MAGI2: variants seen among roughly 807,000 people sequenced by gnomAD.
MAGI2 encodes membrane associated guanylate kinase, WW and PDZ domain containing 2.
A neutral mutation model predicts 133.3 loss-of-function variants in MAGI2; 35 were observed. The observed-to-expected ratio is 0.26, with a 90% CI of 0.20 to 0.35. MAGI2 has a LOEUF of 0.35. Among genes scored for constraint, MAGI2 ranks in the 10% least tolerant of loss-of-function variants. The pLI, the probability that MAGI2 is intolerant of heterozygous loss-of-function variation, is 1.00. For missense variants in MAGI2, 1,636 were observed against 1,863.4 expected (o/e 0.88, Z 2.25); for synonymous variants, 729 against 710.6 (o/e 1.03, Z -0.41).
intron 2 of MAGI2, among the ~76,000 whole-genome samples, chr7:78,921,447 A>G (rs1799215661): frequency 6.6e-6 from 1 of 152,160 alleles, no homozygotes; most frequent in Admixed American, 6.6e-5. Flanking sequence ...CAGAGTCTGC[A>G]CTTTAAATAC....
At chr7:78,291,670 G>A (rs1796721063) in intron 9 of MAGI2, among the ~76,000 whole-genome samples, 1 of 152,182 alleles carries the variant, frequency 6.6e-6, no homozygotes, top group South Asian at 2.1e-4. Context: ...GAACATCGAT[G>A]CAAAAATCCT....
chr7:78,664,996 C>T (rs975964883), intron 2 of MAGI2, among the ~76,000 whole-genome samples: 1 of 151,970 alleles, frequency 6.6e-6, no homozygotes, highest in African/African-American at 2.4e-5. Flanking sequence ...GGCATAATGT[C>T]TTGTTATAAG....
At chr7:78,876,511 A>G (rs1584248373) in intron 2 of MAGI2, among the ~76,000 whole-genome samples, 2 of 152,138 alleles carry the variant, frequency 1.3e-5, no homozygotes, top group East Asian at 1.9e-4. Flanking sequence ...AAGAATTTCA[A>G]TTAACCCAAA....
intron 7 of MAGI2, among the ~76,000 whole-genome samples, chr7:78,366,194 CACAA>C (rs1323150385): frequency 6.6e-6 from 1 of 151,972 alleles, no homozygotes; most frequent in East Asian, 1.9e-4. Flanking sequence ...TATATATTAA[CACAA>C]AAGATATTGC....
chr7:79,148,156 T>C (rs1822831810), intron 1 of MAGI2, among the ~76,000 whole-genome samples: 2 of 152,198 alleles, frequency 1.3e-5, no homozygotes, highest in African/African-American at 4.8e-5. Flanking sequence ...TCTTCATGAC[T>C]GCTCCATGGG....
intron 15 of MAGI2, among the ~76,000 whole-genome samples, chr7:78,166,253 T>A (rs557323194): frequency 1.3e-5 from 2 of 152,314 alleles, no homozygotes; most frequent in African/African-American, 4.8e-5. Flanking sequence ...AGCATGAAAT[T>A]ATGTTGGTGC....
chr7:78,556,087 T>C (rs897687652), intron 3 of MAGI2, among the ~76,000 whole-genome samples: 26 of 152,188 alleles, frequency 1.7e-4, no homozygotes, highest in African/African-American at 6.3e-4. Context: ...TATATTTGCT[T>C]ACCAGTTTAT....
chr7:78,547,385 A>C (rs887961392), intron 3 of MAGI2, among the ~76,000 whole-genome samples: 2 of 152,238 alleles, frequency 1.3e-5, no homozygotes, highest in South Asian at 2.1e-4. Context: ...CAGTTCATAA[A>C]CAATAAGAAA....
intron 13 of MAGI2, among the ~76,000 whole-genome samples, chr7:78,179,431 C>T (rs964589186): frequency 1.3e-5 from 2 of 152,212 alleles, no homozygotes; most frequent in Non-Finnish European, 2.9e-5. Flanking sequence ...GTGTACAAAG[C>T]ACAATTATAC....
intron 10 of MAGI2, among the ~76,000 whole-genome samples, chr7:78,250,364 AT>A (rs1792263448): frequency 6.6e-6 from 1 of 152,130 alleles, no homozygotes; most frequent in Non-Finnish European, 1.5e-5. Context: ...GAAACACAAC[AT>A]AGTAAAATTT....
intron 2 of MAGI2, among the ~76,000 whole-genome samples, chr7:78,854,271 G>T (rs921059378): frequency 6.6e-6 from 1 of 151,988 alleles, no homozygotes; most frequent in Non-Finnish European, 1.5e-5. Flanking sequence ...TTCTTAAAAA[G>T]TAGTAGGTCA....
intron 1 of MAGI2, among the ~76,000 whole-genome samples, chr7:79,334,134 A>C (rs2129093471): frequency 6.6e-6 from 1 of 152,268 alleles, no homozygotes; most frequent in East Asian, 1.9e-4. Context: ...AAAGGACTTG[A>C]AGTTAGGAGA....
chr7:79,325,356 A>G (rs921458946), intron 1 of MAGI2, among the ~76,000 whole-genome samples: 2 of 152,136 alleles, frequency 1.3e-5, no homozygotes, highest in East Asian at 1.9e-4. Flanking sequence ...ATTTCTATAG[A>G]AAGTGTGGAG....
rs2151041995 is a variant in MAGI2 at position 78,291,556 on chromosome 7, G to T, written c.1409-34975C>A. Among the ~76,000 whole-genome samples the T allele has an allele frequency of 2.0e-5, 3 of 152,278 alleles. 1 individual carries two copies. The highest frequency in any genetic ancestry group is 6.8e-3 in the Middle Eastern group (2 of 294). On this transcript the variant is annotated intron_variant, in intron 9 of 21. Transcript: ENST00000354212. ...GAAACTATTCCAATCAATAGAAAAA[G>T]AGGGAATCCTTCCTAACTCATTTTA...
intron 3 of MAGI2, among the ~76,000 whole-genome samples, chr7:78,560,105 A>G (rs1329500753): frequency 2.6e-5 from 4 of 152,214 alleles, no homozygotes; most frequent in Admixed American, 6.5e-5. Context: ...AAACAAGGGA[A>G]TTATGAGTGT....
At chr7:79,092,082 T>G (rs1217783648) in intron 1 of MAGI2, among the ~76,000 whole-genome samples, 1 of 152,148 alleles carries the variant, frequency 6.6e-6, no homozygotes, top group Non-Finnish European at 1.5e-5. Context: ...GAATGAAATT[T>G]TACTGGATTT....
chr7:78,313,672 G>A (rs368122049), intron 9 of MAGI2, among the ~76,000 whole-genome samples: 1 of 151,202 alleles, frequency 6.6e-6, no homozygotes, highest in Non-Finnish European at 1.5e-5. Flanking sequence ...AAGTATTCTT[G>A]TCTGTGTATT....
intron 1 of MAGI2, among the ~76,000 whole-genome samples, chr7:79,072,029 C>T (rs904343107): frequency 2.6e-5 from 4 of 152,104 alleles, no homozygotes; most frequent in African/African-American, 9.7e-5. Context: ...TCATGGCTTC[C>T]CTTGGCCAGG....
chr7:79,069,529 G>A (rs113587477), intron 1 of MAGI2, among the ~76,000 whole-genome samples: 733 of 15,024 alleles, frequency 0.049, 8 homozygotes, highest in African/African-American at 0.16. Context: ...ACAACACACC[G>A]ATGGGTCTTG....
Sources: allele counts gnomAD v4.1 joint callset (sites outside exome capture counted in the v4.1 genomes callset), GRCh38; gene constraint gnomAD v4.1.1; transcripts MANE v1.5; gene names NCBI Gene and HGNC (gene_info 2026-07-23, HGNC 2026-07-21).